The following FBXL17 variants were observed in gnomAD, a reference collection of about 807,000 sequenced individuals.
FBXL17 encodes F-box/LRR-repeat protein 17.
FBXL17 carries 22 observed loss-of-function variants against 66.2 expected under a neutral mutation model. The ratio of observed to expected loss-of-function variants is 0.33; its 90% CI spans 0.24 to 0.47. The LOEUF is 0.47. Ranked by LOEUF, FBXL17 falls within the 20% of genes least tolerant of loss-of-function variation. FBXL17 has a pLI of 1.00. For missense variants in FBXL17, 878 were observed against 948.2 expected, an observed-to-expected ratio of 0.93 and a Z score of 0.97; for synonymous variants, 474 against 400.5, an observed-to-expected ratio of 1.18 and a Z score of -2.19.
chr5:108,276,284 T>C (rs1328020453), intron 4 of FBXL17, among the ~76,000 whole-genome samples: 1 of 134,594 alleles, frequency 7.4e-6, no homozygotes, highest in Non-Finnish European at 1.6e-5. Context: ...TCAGAGAAAC[T>C]ATCAAATGAC....
At chr5:108,263,309 G>A (rs1756913355) in intron 4 of FBXL17, among the ~76,000 whole-genome samples, 1 of 152,034 alleles carries the variant, frequency 6.6e-6, no homozygotes. Flanking sequence ...AATTTGTAAC[G>A]ACTGGATAGA....
At chr5:108,335,866 T>C (rs1000558904) in intron 4 of FBXL17, among the ~76,000 whole-genome samples, 2 of 152,114 alleles carry the variant, frequency 1.3e-5, no homozygotes, top group Admixed American at 1.3e-4. Flanking sequence ...ACTAACTTTA[T>C]AGCAGAAAGC....
intron 6 of FBXL17, among the ~76,000 whole-genome samples, chr5:108,076,269 C>T (rs1257467030): frequency 1.3e-5 from 2 of 152,192 alleles, no homozygotes; most frequent in African/African-American, 2.4e-5. Context: ...CACCCAGGCC[C>T]TATCTTCCCT....
At chr5:108,319,553 T>G (rs1167199985) in intron 4 of FBXL17, among the ~76,000 whole-genome samples, 2 of 151,838 alleles carry the variant, frequency 1.3e-5, no homozygotes, top group Non-Finnish European at 2.9e-5. Context: ...GTTAAAATAC[T>G]ACTTTCAAGA....
intron 6 of FBXL17, among the ~76,000 whole-genome samples, chr5:108,047,272 G>A (rs1010670791): frequency 6.6e-6 from 1 of 152,248 alleles, no homozygotes; most frequent in Non-Finnish European, 1.5e-5. Flanking sequence ...TACCCAGCTA[G>A]GGAAACTGTG....
intron 3 of FBXL17, among the ~76,000 whole-genome samples, chr5:108,352,545 CT>C (rs2112499027): frequency 6.6e-6 from 1 of 152,300 alleles, no homozygotes; most frequent in East Asian, 1.9e-4. Context: ...GAGTTTCGCT[CT>C]TTCGCCCAGG....
At chr5:107,892,945 TATATTCTGTTTTCG>T (rs1749244392) in intron 7 of FBXL17, among the ~76,000 whole-genome samples, 1 of 152,212 alleles carries the variant, frequency 6.6e-6, no homozygotes, top group Admixed American at 6.5e-5. Flanking sequence ...ATACATTTTC[TATATTCTGTTTTCG>T]ATATTCTCTA....
intron 4 of FBXL17, chr5:108,299,125 AT>A (rs1233037621): frequency 1.0e-6 from 1 of 979,038 alleles, no homozygotes; most frequent in East Asian, 1.1e-4. Context: ...TTTTTAAATT[AT>A]TTAAAATTGT....
intron 7 of FBXL17, among the ~76,000 whole-genome samples, chr5:107,918,818 C>G (rs1347120955): frequency 6.6e-6 from 1 of 152,176 alleles, no homozygotes; most frequent in Non-Finnish European, 1.5e-5. Flanking sequence ...AATGCTTAGC[C>G]TTGCTGCTTT....
intron 6 of FBXL17, among the ~76,000 whole-genome samples, chr5:108,108,508 T>G (rs1749899923): frequency 6.6e-6 from 1 of 152,240 alleles, no homozygotes; most frequent in African/African-American, 2.4e-5. Flanking sequence ...GATAGATTCA[T>G]GAATGAATGA....
chr5:108,162,473 G>A (rs1484106191), intron 6 of FBXL17, among the ~76,000 whole-genome samples: 2 of 152,148 alleles, frequency 1.3e-5, no homozygotes, highest in Non-Finnish European at 2.9e-5. Context: ...CTGGGTGACA[G>A]AGCAAGACTC....
intron 7 of FBXL17, among the ~76,000 whole-genome samples, chr5:108,013,750 T>C (rs767989099): frequency 1.2e-4 from 19 of 152,142 alleles, no homozygotes; most frequent in Non-Finnish European, 5.9e-5. Context: ...AGGATTAGAA[T>C]GGAATTTAGA....
chr5:108,199,546 A>G (rs1335520110), intron 5 of FBXL17, among the ~76,000 whole-genome samples: 4 of 152,134 alleles, frequency 2.6e-5, no homozygotes, highest in African/African-American at 9.7e-5. Flanking sequence ...CTTAATTGTC[A>G]TGTAACTGCC....
intron 4 of FBXL17, among the ~76,000 whole-genome samples, chr5:108,340,403 A>C (rs1184721488): frequency 1.3e-5 from 2 of 151,980 alleles, no homozygotes; most frequent in African/African-American, 4.8e-5. Flanking sequence ...AAAAAAAAAA[A>C]AAAAACTCGT....
At chr5:108,026,609 C>A (rs918336002) in intron 6 of FBXL17, among the ~76,000 whole-genome samples, 2 of 152,160 alleles carry the variant, frequency 1.3e-5, no homozygotes, top group African/African-American at 4.8e-5. Flanking sequence ...ACCACAGGGG[C>A]AAAGACTAGG....
intron 7 of FBXL17, among the ~76,000 whole-genome samples, chr5:107,960,062 C>G (rs566122303): frequency 2.4e-4 from 37 of 152,256 alleles, no homozygotes; most frequent in Non-Finnish European, 4.1e-4. Flanking sequence ...ATCATAGGGA[C>G]AGAAATCCGG....
chr5:108,144,608 T>C (rs1751486992), intron 6 of FBXL17, among the ~76,000 whole-genome samples: 1 of 152,148 alleles, frequency 6.6e-6, no homozygotes, highest in Non-Finnish European at 1.5e-5. Context: ...TCAACTGCTG[T>C]AGGCAAAAAA....
chr5:108,370,557 A>G (rs1343933909), intron 1 of FBXL17, among the ~76,000 whole-genome samples: 3 of 152,128 alleles, frequency 2.0e-5, no homozygotes, highest in Non-Finnish European at 4.4e-5. Context: ...AGCCTGGCCA[A>G]TATGGTGAAA....
intron 7 of FBXL17, among the ~76,000 whole-genome samples, chr5:107,985,362 T>C (rs1752976771): frequency 2.0e-5 from 3 of 152,260 alleles, no homozygotes; most frequent in South Asian, 2.1e-4. Flanking sequence ...TGGGCTGATA[T>C]GGCATGTGGC....
Sources: gnomAD v4.1 joint callset for allele counts (sites outside exome capture counted in the v4.1 genomes callset) on GRCh38, gnomAD v4.1.1 for gene constraint, MANE v1.5 for transcripts, NCBI Gene and HGNC (gene_info 2026-07-23, HGNC 2026-07-21) for gene names.